The following UQCRC2 variants were observed in gnomAD, a reference collection of about 807,000 sequenced individuals.
The protein encoded by UQCRC2 is cytochrome b-c1 complex subunit 2, mitochondrial.
A neutral mutation model predicts 55.6 loss-of-function variants in UQCRC2; 49 were observed. That is an observed-to-expected ratio of 0.88 (90% CI 0.70 to 1.12). UQCRC2 has a LOEUF of 1.12. UQCRC2 is among the 50% of genes most tolerant of loss of function. The pLI, the probability that UQCRC2 is intolerant of heterozygous loss-of-function variation, is 0.00. For synonymous variants in UQCRC2, 193 were observed against 192.0 expected, an observed-to-expected ratio of 1.01 and a Z score of -0.04; for missense variants, 506 against 547.8, an observed-to-expected ratio of 0.92 and a Z score of 0.76.
chr16:21,957,786 G>A (rs1898114524), intron 3 of UQCRC2, among the ~76,000 whole-genome samples: 1 of 152,142 alleles, frequency 6.6e-6, no homozygotes, highest in Non-Finnish European at 1.5e-5. Context: ...ATATCAGCAG[G>A]GCTGTGATCC....
chr16:21,957,421 C>T lies in UQCRC2; in HGVS notation c.122C>T (p.Thr41Ile). 1.9e-6 allele frequency: 3 copies of T among 1,614,000 alleles called. No individual in the cohort carries two copies. The highest frequency in any genetic ancestry group is 1.7e-6 in the Non-Finnish European group (2 of 1,179,986). ...TCTACTTTATTTTAAATACAGTTTA[C>T]CAAGTTACCAAATGGCTTGGTGATT... is the stretch of plus-strand genomic sequence containing the variant. ...APPQPQDLEF[T>I]KLPNGLVIAS... The change falls in exon 3 of 14, where the codon ACC (threonine) becomes ATC (isoleucine). Residue 41 changes from threonine to isoleucine, a missense_variant. By Grantham distance (89) the Thr-to-Ile change is moderately conservative. Transcript: ENST00000268379.
chr16:21,980,470 C>G, intron 12 of UQCRC2, 77 bp from the exon 13 acceptor site: 1 of 1,501,222 alleles, frequency 6.7e-7, no homozygotes, highest in Non-Finnish European at 9.0e-7. Flanking sequence ...TTGATGTTCA[C>G]AGCCCCCCGC....
In UQCRC2 at chr16:21,968,611, G is replaced by A. The variant is rs941817346; in HGVS notation, c.613-17G>A. ...TTTATGCTAATATAACCTAATAAGT[G>A]TTTTTAACTTCCTCAGTTACATTAC... is the stretch of plus-strand genomic sequence containing the variant. On this transcript the variant is annotated splice_polypyrimidine_tract_variant and intron_variant, in intron 7 of 13. Coordinates refer to ENST00000268379, the MANE Select transcript of UQCRC2 (RefSeq NM_003366.4). 7 of 1,594,026 alleles carry A rather than the reference G, an allele frequency of 4.4e-6. No individual in the cohort carries two copies. In the African/African-American group the frequency reaches 8.1e-5, roughly 18 times the overall value.
intron 12 of UQCRC2, 152 bp from the exon 13 acceptor site, chr16:21,980,395 G>A: frequency 1.3e-6 from 1 of 760,302 alleles, no homozygotes; most frequent in Non-Finnish European, 2.1e-6. Context: ...AGAAGGGAGT[G>A]GCATTCTTCT....
intron 4 of UQCRC2, chr16:21,959,289 CT>C: frequency 1.6e-5 from 3 of 189,266 alleles, no homozygotes; most frequent in Non-Finnish European, 3.5e-5. Flanking sequence ...AACCTTACCA[CT>C]TTTTTATCAA....
chr16:21,980,995 C>T (rs1457749973), intron 13 of UQCRC2, among the ~76,000 whole-genome samples: 2 of 152,074 alleles, frequency 1.3e-5, no homozygotes, highest in Admixed American at 6.5e-5. Context: ...ATACACCTAA[C>T]GTATCAAACG....
chr16:21,980,452 A>C, intron 12 of UQCRC2, 95 bp from the exon 13 acceptor site: 3 of 1,350,742 alleles, frequency 2.2e-6, no homozygotes, highest in Non-Finnish European at 3.1e-6. Context: ...TATCCATTAA[A>C]TAAAGCTTTG....
Position 21,953,401 on chromosome 16 carries a change from G to C in UQCRC2, c.-23G>C, listed in dbSNP as rs758425917. On this transcript the variant is annotated 5_prime_UTR_variant, in exon 1 of 14. Transcript: ENST00000268379. ...GCTTTCCTTTAATCCGGCAGTGACC[G>C]TGTGTCAGAACAATCTTGAATCATG... is the stretch of plus-strand genomic sequence containing the variant. 1.2e-6 allele frequency: 2 copies of C among 1,612,332 alleles called. No homozygotes were observed. The highest frequency in any genetic ancestry group is 3.3e-5 in the Admixed American group (2 of 59,836).
intron 4 of UQCRC2, among the ~76,000 whole-genome samples, chr16:21,960,008 C>A (rs1416646901): frequency 1.3e-5 from 2 of 152,134 alleles, no homozygotes; most frequent in East Asian, 3.8e-4. Context: ...TAGCATAATT[C>A]CTAAGGGCTC....
At chr16:21,958,634 G>T in intron 4 of UQCRC2, 35 bp downstream of exon 4, 1 of 1,570,594 alleles carries the variant, frequency 6.4e-7, no homozygotes, top group East Asian at 2.3e-5. Flanking sequence ...TAGTGAAAAT[G>T]CCAGAAAATA....
chr16:21,965,353 AT>A, intron 6 of UQCRC2, 54 bp from the exon 7 acceptor site: 1 of 1,552,878 alleles, frequency 6.4e-7, no homozygotes, highest in South Asian at 1.1e-5. Flanking sequence ...GGTTTTAAAA[AT>A]GTTGTCTTTA....
At chr16:21,980,449 T>C in intron 12 of UQCRC2, 98 bp from the exon 13 acceptor site, 1 of 1,316,018 alleles carries the variant, frequency 7.6e-7, no homozygotes, top group Non-Finnish European at 1.0e-6. Context: ...CTCTATCCAT[T>C]AAATAAAGCT....
At chr16:21,972,560 A>C (rs1898487968) in intron 10 of UQCRC2, among the ~76,000 whole-genome samples, 2 of 152,164 alleles carry the variant, frequency 1.3e-5, no homozygotes, top group Admixed American at 1.3e-4. Context: ...TCACTCATTC[A>C]GCTTGAGATT....
In UQCRC2 at chr16:21,983,281, T is replaced by A; in HGVS notation, c.*110T>A. The A allele has an allele frequency of 1.1e-6, 1 of 914,174 alleles. No homozygotes were observed. Among genetic ancestry groups the A allele is most frequent in the Non-Finnish European group, 1.7e-6 (1 of 599,286 alleles). The allele number at this position is 914,174 out of a possible 1,614,324, so 56.6% of individuals were successfully genotyped here. On this transcript the variant is annotated 3_prime_UTR_variant, in exon 14 of 14. Transcript: ENST00000268379. ...ATCATTTGTCTTTTTTCCAGTGAGG[T>A]AAAATAAGGCATAAATGCAGGTAAT...
chr16:21,967,012 T>C (rs117955262), intron 7 of UQCRC2, among the ~76,000 whole-genome samples: 7,250 of 152,020 alleles, frequency 0.048, 256 homozygotes, highest in Non-Finnish European at 0.074. Flanking sequence ...AAAAGGTCCC[T>C]TTTTTTTAAT....
chr16:21,966,560 C>T (rs760815313), intron 7 of UQCRC2, among the ~76,000 whole-genome samples: 8 of 152,128 alleles, frequency 5.3e-5, no homozygotes, highest in Non-Finnish European at 8.8e-5. Context: ...TTTTTATTCT[C>T]GTTTTATTCT....
intron 7 of UQCRC2, among the ~76,000 whole-genome samples, chr16:21,966,567 T>C (rs906792696): frequency 6.6e-6 from 1 of 152,230 alleles, no homozygotes; most frequent in African/African-American, 2.4e-5. Context: ...TCTCGTTTTA[T>C]TCTTAGTTAG....
At position 21,983,604 on chromosome 16, in the gene UQCRC2, T is replaced by A; in HGVS notation, c.*433T>A. ...TAAATGGTCTGGTTTTTACCCCTGTTTTGCCTTTTTTGCAATAAAATTATT... is the reference window on the plus strand; with the variant it reads ...TAAATGGTCTGGTTTTTACCCCTGTATTGCCTTTTTTGCAATAAAATTATT... On this transcript the variant is annotated 3_prime_UTR_variant, in exon 14 of 14. Transcript: ENST00000268379. 5.2e-6 allele frequency: 1 copy of A among 190,696 alleles called. No individual in the cohort carries two copies. The highest frequency in any genetic ancestry group is 1.1e-5 in the Non-Finnish European group (1 of 94,498). 11.8% of individuals were successfully genotyped at this position (190,696 alleles called of 1,614,324 possible).
intron 7 of UQCRC2, among the ~76,000 whole-genome samples, chr16:21,967,974 G>A (rs1269412300): frequency 6.6e-6 from 1 of 150,468 alleles, no homozygotes; most frequent in Non-Finnish European, 1.5e-5. Flanking sequence ...GTTTAGGCCA[G>A]TGTATGCTCT....
Sources: gnomAD v4.1 joint callset for allele counts (sites outside exome capture counted in the v4.1 genomes callset) on GRCh38, gnomAD v4.1.1 for gene constraint, MANE v1.5 for transcripts, NCBI Gene and HGNC (gene_info 2026-07-23, HGNC 2026-07-21) for gene names.